Variants in SERPINB8 observed in about 807,000 individuals in gnomAD.
The protein encoded by SERPINB8 is serpin family B member 8, also known as serpin B8.
A neutral mutation model predicts 35.3 loss-of-function variants in SERPINB8; 25 were observed. That is an observed-to-expected ratio of 0.71 (90% confidence interval 0.52 to 0.99). SERPINB8 has a LOEUF of 0.99. SERPINB8 is among the 50% of genes least tolerant of loss of function. The pLI is 0.00. For synonymous variants in SERPINB8, 186 were observed against 160.8 expected (o/e 1.16, Z -1.19); for missense variants, 484 against 446.5 (o/e 1.08, Z -0.76).
intron 7 of SERPINB8, among the ~76,000 whole-genome samples, chr18:64,015,798 C>T (rs1196820665): frequency 6.6e-6 from 1 of 152,172 alleles, no homozygotes; most frequent in Non-Finnish European, 1.5e-5. Context: ...AAGTTTCTCT[C>T]ATTAGAATGA....
intron 3 of SERPINB8, among the ~76,000 whole-genome samples, chr18:63,980,183 A>T (rs2144804176): frequency 6.6e-6 from 1 of 152,138 alleles, no homozygotes; most frequent in East Asian, 1.9e-4. Context: ...CTCCCCCTTA[A>T]TTCCCTGTCC....
intron 7 of SERPINB8, among the ~76,000 whole-genome samples, chr18:64,014,454 G>C (rs950970827): frequency 1.3e-5 from 2 of 152,072 alleles, no homozygotes; most frequent in Non-Finnish European, 2.9e-5. Flanking sequence ...TATGAAGCTT[G>C]GGAGAGAATT....
chr18:64,005,958 T>C (rs1035190829), downstream of SERPINB8, among the ~76,000 whole-genome samples: 3 of 152,186 alleles, frequency 2.0e-5, no homozygotes, highest in Non-Finnish European at 4.4e-5. Context: ...TCTCCCACCC[T>C]CCCACAGAAA....
chr18:63,983,772 A>C, intron 5 of SERPINB8, 51 bp downstream of exon 5: 1 of 1,271,274 alleles, frequency 7.9e-7, no homozygotes, highest in Non-Finnish European at 1.1e-6. Flanking sequence ...GTAATATTAC[A>C]GGAAATATTC....
chr18:63,981,711 G>T lies in SERPINB8; in HGVS notation c.307-10G>T, dbSNP rs1346005768. ...CAAATGAGACTAAACTCAGTGTTTTGTGTTTGCAGGACTTTAAAGAATACT... is the reference window on the plus strand; with the variant it reads ...CAAATGAGACTAAACTCAGTGTTTTTTGTTTGCAGGACTTTAAAGAATACT... On this transcript the variant is annotated splice_polypyrimidine_tract_variant and intron_variant, in intron 3 of 6. Transcript: ENST00000397985. The T allele has an allele frequency of 6.3e-7, 1 of 1,579,568 alleles. No homozygotes were observed. The highest frequency in any genetic ancestry group is 8.7e-7 in the Non-Finnish European group (1 of 1,153,236).
chr18:63,988,885 A>G lies in SERPINB8; in HGVS notation c.*1607A>G, dbSNP rs1427970204. On this transcript the variant is annotated 3_prime_UTR_variant, in exon 7 of 7. Coordinates refer to ENST00000397985, the MANE Select transcript of SERPINB8 (RefSeq NM_002640.4). The stretch of plus-strand genomic sequence containing the variant: ...TAATTTGAAGAACACTTTAATTGAC[A>G]CAGAATACATTTCACATATTTAACC... 6.6e-6 allele frequency: 1 copy of G among 152,234 alleles called. No homozygotes were observed. Among genetic ancestry groups the G allele is most frequent in the Non-Finnish European group, 1.5e-5 (1 of 68,040 alleles). 9.4% of individuals were successfully genotyped at this position (152,234 alleles called of 1,614,324 possible). A position where few individuals can be genotyped will look rare whatever the true frequency, so the allele number is the denominator to read the frequency against.
intron 1 of SERPINB8, among the ~76,000 whole-genome samples, chr18:63,972,236 C>A (rs1002033478): frequency 2.6e-5 from 4 of 152,068 alleles, no homozygotes; most frequent in African/African-American, 9.7e-5. Context: ...ATGATAATAA[C>A]GACATAGTTT....
chr18:63,989,868 G>A (rs1288486336), downstream of SERPINB8, among the ~76,000 whole-genome samples: 2 of 143,204 alleles, frequency 1.4e-5, no homozygotes. Flanking sequence ...GCGTGAACCC[G>A]GGAGGCGGAG....
intron 5 of SERPINB8, among the ~76,000 whole-genome samples, chr18:63,984,798 T>C (rs1041894181): frequency 6.6e-6 from 1 of 152,222 alleles, no homozygotes; most frequent in African/African-American, 2.4e-5. Context: ...AGAAAGCTTC[T>C]CTGTGAATGT....
chr18:63,972,981 T>C (rs2050515731), intron 1 of SERPINB8, among the ~76,000 whole-genome samples: 1 of 152,252 alleles, frequency 6.6e-6, no homozygotes, highest in Non-Finnish European at 1.5e-5. Flanking sequence ...AGTAGCATGA[T>C]TTATAATCCT....
intron 1 of SERPINB8, among the ~76,000 whole-genome samples, chr18:64,003,544 T>A (rs2050886180): frequency 6.6e-6 from 1 of 151,844 alleles, no homozygotes; most frequent in African/African-American, 2.4e-5. Flanking sequence ...TGTGTGTGTG[T>A]GTGTGTGTGT....
chr18:63,986,991 G>A lies in SERPINB8; in HGVS notation c.838G>A (p.Glu280Lys), dbSNP rs757154634. Residue 280 changes from glutamate to lysine, a missense_variant, in exon 7 of 7, where the codon GAG (glutamate) becomes AAG (lysine). Physicochemically the swap from Glu to Lys is moderately conservative, Grantham distance 56 (BLOSUM62 1). Coordinates refer to ENST00000397985, the MANE Select transcript of SERPINB8 (RefSeq NM_002640.4). ...RLKLEESYDL[E>K]PFLRRLGMID... ...AAAGCTGGAGGAGAGTTATGACTTG[G>A]AGCCTTTCCTTCGAAGATTAGGAAT... is the stretch of plus-strand genomic sequence containing the variant. 3.7e-6 allele frequency: 6 copies of A among 1,614,184 alleles called. No homozygotes were observed. In the South Asian group the frequency reaches 5.5e-5, roughly 15 times the overall value.
At chr18:63,996,893 C>A (rs1004176405) in intron 1 of SERPINB8, among the ~76,000 whole-genome samples, 2 of 152,182 alleles carry the variant, frequency 1.3e-5, no homozygotes, top group Admixed American at 1.3e-4. Flanking sequence ...TGTCACATTT[C>A]CCTTGTGGGG....
rs2144828323 is a variant in SERPINB8 at position 63,988,437 on chromosome 18, G to A, written c.*1159G>A. ...GATTGCTAATAATATATATTATGCT[G>A]TTTTGGATATACTAAATATTTGCTC... On this transcript the variant is annotated 3_prime_UTR_variant, in exon 7 of 7. Coordinates refer to ENST00000397985, the MANE Select transcript of SERPINB8 (RefSeq NM_002640.4). 1 of 152,206 alleles carries A rather than the reference G, an allele frequency of 6.6e-6. No homozygotes were observed. The highest frequency in any genetic ancestry group is 2.1e-4 in the South Asian group (1 of 4,826). 9.4% of individuals were successfully genotyped at this position (152,206 alleles called of 1,614,324 possible). A position where few individuals can be genotyped will look rare whatever the true frequency, so the allele number is the denominator to read the frequency against.
At chr18:63,991,194 G>C (rs188284629), downstream of SERPINB8, among the ~76,000 whole-genome samples, 38 of 152,260 alleles carry the variant, frequency 2.5e-4, no homozygotes, top group Admixed American at 2.2e-3. Flanking sequence ...TGTTTTATCT[G>C]CTTTCAGTCC....
At chr18:64,009,700 T>A (rs1196086062), downstream of SERPINB8, among the ~76,000 whole-genome samples, 1 of 152,236 alleles carries the variant, frequency 6.6e-6, no homozygotes, top group Non-Finnish European at 1.5e-5. Flanking sequence ...TGCAAAAGTT[T>A]TTTTGTGAAG....
chr18:63,978,491 C>T lies in SERPINB8; in HGVS notation c.168+15C>T. 2 of 1,613,238 alleles carry T rather than the reference C, an allele frequency of 1.2e-6. No homozygotes were observed. Among genetic ancestry groups the T allele is most frequent in the Non-Finnish European group, 1.7e-6 (2 of 1,179,440 alleles). On this transcript the variant is annotated intron_variant, in intron 2 of 6. Transcript: ENST00000397985. Reference sequence around the variant, plus strand: ...AGATGTCCCAGGTATGTGTGCTTGTCACAAAGGAAGGAGAACAGTGTGTTT... The same window carrying T: ...AGATGTCCCAGGTATGTGTGCTTGTTACAAAGGAAGGAGAACAGTGTGTTT...
intron 7 of SERPINB8, among the ~76,000 whole-genome samples, chr18:64,011,077 C>T (rs770068426): frequency 7.9e-5 from 12 of 151,692 alleles, no homozygotes; most frequent in Non-Finnish European, 1.3e-4. Context: ...CTAAAATCAG[C>T]TAAGGGAGAT....
At chr18:63,992,448 T>A (rs2050829406), downstream of SERPINB8, among the ~76,000 whole-genome samples, 1 of 152,218 alleles carries the variant, frequency 6.6e-6, no homozygotes, top group Admixed American at 6.5e-5. Flanking sequence ...TCTGTAGTAA[T>A]ACCATCGCTC....
Sources: allele counts gnomAD v4.1 joint callset (sites outside exome capture counted in the v4.1 genomes callset), GRCh38; gene constraint gnomAD v4.1.1; transcripts MANE v1.5; gene names NCBI Gene and HGNC (gene_info 2026-07-23, HGNC 2026-07-21).